Variants in PCDHGA3 observed in about 807,000 individuals in gnomAD.
PCDHGA3 encodes the protein protocadherin gamma subfamily A, 3, also known as protocadherin gamma-A3.
A neutral mutation model predicts 58.5 loss-of-function variants in PCDHGA3; 40 were observed. The observed-to-expected ratio is 0.68, with a 90% CI of 0.53 to 0.89. PCDHGA3 has a LOEUF of 0.89. PCDHGA3 is among the 40% of genes least tolerant of loss of function. PCDHGA3 has a pLI of 0.00. For synonymous variants in PCDHGA3, 530 were observed against 525.7 expected (o/e 1.01, Z -0.11); for missense variants, 1,223 against 1,195.9 (o/e 1.02, Z -0.33).
intron 1 of PCDHGA3, chr5:141,382,889 G>A: frequency 2.0e-5 from 30 of 1,532,432 alleles, no homozygotes; most frequent in Non-Finnish European, 2.5e-5. Context: ...AGCAAGAGAA[G>A]CAGGACGACT....
intron 1 of PCDHGA3, chr5:141,374,159 G>C: frequency 6.2e-7 from 1 of 1,612,288 alleles, no homozygotes. Context: ...GCTGTGGGGG[G>C]CCGCGGCAGC....
chr5:141,412,154 A>G (rs528810323), intron 1 of PCDHGA3: 1 of 152,344 alleles, frequency 6.6e-6, no homozygotes, highest in Admixed American at 6.5e-5. Flanking sequence ...ACTGCCTAAG[A>G]GAAGAGATTA....
chr5:141,376,050 C>G (rs1342484281), intron 1 of PCDHGA3: 4 of 1,613,234 alleles, frequency 2.5e-6, no homozygotes, highest in Non-Finnish European at 3.4e-6. Flanking sequence ...CCTCTCTCCG[C>G]CACTGTCACG....
intron 1 of PCDHGA3, chr5:141,376,302 T>C (rs763012052): frequency 1.2e-6 from 2 of 1,614,166 alleles, no homozygotes; most frequent in South Asian, 2.2e-5. Context: ...GGCTCGCACT[T>C]TGTGGGCGTG....
Position 141,399,408 on chromosome 5 carries a change from C to G in PCDHGA3, c.2424+52951C>G, listed in dbSNP as rs373563586. On this transcript the variant is annotated intron_variant, in intron 1 of 3. Coordinates refer to ENST00000253812, the MANE Select transcript of PCDHGA3 (RefSeq NM_018916.4). ...CAGCCACAGACAGGGGCAAGCCGCC[C>G]CTCTCCTCCAGCATAAGCGTCATCC... 20 of 1,613,888 alleles carry G rather than the reference C, an allele frequency of 1.2e-5. No individual in the cohort carries two copies. In the East Asian group the frequency reaches 3.8e-4, roughly 31 times the overall value.
chr5:141,477,600 T>A lies in PCDHGA3; in HGVS notation c.2425-17207T>A, dbSNP rs746047124. The A allele has an allele frequency of 6.2e-6, 10 of 1,614,146 alleles. No homozygotes were observed. The highest frequency in any genetic ancestry group is 7.6e-6 in the Non-Finnish European group (9 of 1,180,026). ...CCGCAGAATGCTCGGCTTTCTTTCT[T>A]TCTCTTGGAGCAAGGAGCTGAAACC... On this transcript the variant is annotated intron_variant, in intron 1 of 3. Coordinates refer to ENST00000253812, the MANE Select transcript of PCDHGA3 (RefSeq NM_018916.4). This position sits in a 1 kb window ranked among gnomAD's most constrained non-coding sequence, Gnocchi z 4.9.
intron 1 of PCDHGA3, among the ~76,000 whole-genome samples, chr5:141,473,195 C>T (rs1053769499): frequency 6.6e-6 from 1 of 152,104 alleles, no homozygotes; most frequent in African/African-American, 2.4e-5. Flanking sequence ...GTAAATGTAT[C>T]TTCTAAAAAA....
chr5:141,366,824 C>T, intron 1 of PCDHGA3: 1 of 1,535,428 alleles, frequency 6.5e-7, no homozygotes, highest in Non-Finnish European at 8.8e-7. Context: ...CTGTCATATT[C>T]AGAATCAGCT....
At chr5:141,355,371 G>T (rs777676275) in intron 1 of PCDHGA3, 2 of 1,614,052 alleles carry the variant, frequency 1.2e-6, no homozygotes, top group South Asian at 1.1e-5. Flanking sequence ...TGGCGCCCCG[G>T]GAGCTGGCGG....
chr5:141,392,750 G>A lies in PCDHGA3; in HGVS notation c.2424+46293G>A, dbSNP rs561923783. On this transcript the variant is annotated intron_variant, in intron 1 of 3. Coordinates refer to ENST00000253812, the MANE Select transcript of PCDHGA3 (RefSeq NM_018916.4). ...ATTGTCATCTCCATAGCTGCGGCAAGAAACTAAATAAGACCCATTTATGCA... is the reference window on the plus strand; with the variant it reads ...ATTGTCATCTCCATAGCTGCGGCAAAAAACTAAATAAGACCCATTTATGCA... 25 of 1,451,824 alleles carry A rather than the reference G, an allele frequency of 1.7e-5. No homozygotes were observed. In the Admixed American group the frequency reaches 4.2e-4, roughly 24 times the overall value. The allele number at this position is 1,451,824 out of a possible 1,614,324, so 89.9% of individuals were successfully genotyped here.
chr5:141,384,784 G>T, intron 1 of PCDHGA3: 1 of 1,613,618 alleles, frequency 6.2e-7, no homozygotes, highest in Non-Finnish European at 8.5e-7. Flanking sequence ...GGTGCGCACG[G>T]CTCGGGCCCT....
rs376890554 is a variant in PCDHGA3 at position 141,408,250 on chromosome 5, G to A, written c.2424+61793G>A. 3.6e-4 allele frequency: 569 copies of A among 1,595,986 alleles called. 5 individuals are homozygous for A. The highest frequency in any genetic ancestry group is 1.7e-3 in the South Asian group (151 of 89,354). On this transcript the variant is annotated intron_variant, in intron 1 of 3. Coordinates refer to ENST00000253812, the MANE Select transcript of PCDHGA3 (RefSeq NM_018916.4). ...GGCGCCGGGCCGGCCCGCGGCAGGT[G>A]CTATTTCCTTTGCTGCTGCCTTTGT... is the stretch of plus-strand genomic sequence containing the variant.
chr5:141,475,547 G>A (rs2099364977), intron 1 of PCDHGA3, among the ~76,000 whole-genome samples: 1 of 152,176 alleles, frequency 6.6e-6, no homozygotes, highest in Non-Finnish European at 1.5e-5. Context: ...AGTAGGGTCC[G>A]GCTAATTGTC....
chr5:141,357,966 G>T (rs1480314372), intron 1 of PCDHGA3, among the ~76,000 whole-genome samples: 1 of 152,286 alleles, frequency 6.6e-6, no homozygotes, highest in East Asian at 1.9e-4. Flanking sequence ...GAGGAGGACG[G>T]ATTGCCTGAG....
At position 141,491,065 on chromosome 5, in the gene PCDHGA3, C is replaced by T; in HGVS notation, c.2425-3742C>T. On this transcript the variant is annotated intron_variant, in intron 1 of 3. Transcript: ENST00000253812. This position sits in a 1 kb window ranked among gnomAD's most constrained non-coding sequence, Gnocchi z 6.9. ...CCACAATGCGTGGCTCTCCTACTCA[C>T]TGTTGCCACAGTCCACAGCCCCAGG... 4 of 1,614,210 alleles carry T rather than the reference C, an allele frequency of 2.5e-6. No individual in the cohort carries two copies. Among genetic ancestry groups the T allele is most frequent in the Admixed American group, 1.7e-5 (1 of 60,030 alleles).
chr5:141,365,620 G>T, intron 1 of PCDHGA3: 1 of 1,613,368 alleles, frequency 6.2e-7, no homozygotes, highest in Middle Eastern at 1.6e-4. Context: ...ATGGAACCCC[G>T]CCCCTCTCTA....
In PCDHGA3 at chr5:141,343,927, C is replaced by A; in HGVS notation, c.-107C>A. 9.6e-7 allele frequency: 1 copy of A among 1,040,854 alleles called. No homozygotes were observed. Among genetic ancestry groups the A allele is most frequent in the Non-Finnish European group, 1.4e-6 (1 of 727,022 alleles). 64.5% of individuals were successfully genotyped at this position (1,040,854 alleles called of 1,614,324 possible). On this transcript the variant is annotated 5_prime_UTR_variant, in exon 1 of 4. Coordinates refer to ENST00000253812, the MANE Select transcript of PCDHGA3 (RefSeq NM_018916.4). ...ACCTCTTAGTCAACCAGCTGTTTGA[C>A]CTGTGAATTAGGCCCGTAAAAGACT...
At chr5:141,402,935 T>G in intron 1 of PCDHGA3, 1 of 1,587,712 alleles carries the variant, frequency 6.3e-7, no homozygotes, top group Non-Finnish European at 8.6e-7. Context: ...TTTGAGAAAA[T>G]TCCAAAGCGA....
At position 141,361,155 on chromosome 5, in the gene PCDHGA3, C is replaced by A. The variant is rs760085788; in HGVS notation, c.2424+14698C>A. On this transcript the variant is annotated intron_variant, in intron 1 of 3. Coordinates refer to ENST00000253812, the MANE Select transcript of PCDHGA3 (RefSeq NM_018916.4). Reference sequence around the variant, plus strand: ...GTATCCAAGTTGAAATTCTTGATGACAACGATTGTGCACCTGAAGTTATTG... The same window carrying A: ...GTATCCAAGTTGAAATTCTTGATGAAAACGATTGTGCACCTGAAGTTATTG... 16 of 1,613,954 alleles carry A rather than the reference C, an allele frequency of 9.9e-6. No homozygotes were observed. In the South Asian group the frequency reaches 1.6e-4, roughly 17 times the overall value.
Sources: allele counts gnomAD v4.1 joint callset (sites outside exome capture counted in the v4.1 genomes callset), GRCh38; gene constraint gnomAD v4.1.1; non-coding constraint Gnocchi (gnomAD v3.1); transcripts MANE v1.5; gene names NCBI Gene and HGNC (gene_info 2026-07-23, HGNC 2026-07-21).